The following ACOT11 variants were observed in gnomAD, a reference collection of about 807,000 sequenced individuals.
The protein encoded by ACOT11 is acyl-coenzyme A thioesterase 11.
A neutral mutation model predicts 77.5 loss-of-function variants in ACOT11; 69 were observed. The observed-to-expected ratio is 0.89, with a 90% confidence interval of 0.73 to 1.09. The LOEUF (loss-of-function observed/expected upper bound fraction) is 1.09, where lower values mean the gene tolerates loss of function less well. Ranked by LOEUF, ACOT11 falls within the 50% of genes least tolerant of loss-of-function variation. The pLI is 0.00. For missense variants in ACOT11, 766 were observed against 813.7 expected (o/e 0.94, Z 0.71); for synonymous variants, 279 against 313.0 (o/e 0.89, Z 1.15).
intron 1 of ACOT11, among the ~76,000 whole-genome samples, chr1:54,562,609 A>G (rs1402325246): frequency 6.9e-6 from 1 of 145,532 alleles, no homozygotes; most frequent in Non-Finnish European, 1.5e-5. Context: ...CACTTCTCAG[A>G]TGGGGCAGCT....
intron 3 of ACOT11, among the ~76,000 whole-genome samples, chr1:54,592,167 G>A (rs1654733607): frequency 6.6e-6 from 1 of 152,182 alleles, no homozygotes; most frequent in Admixed American, 6.5e-5. Flanking sequence ...AGTGCCGCAG[G>A]GTGAGCCTCT....
At chr1:54,563,109 C>T (rs1331368291) in intron 1 of ACOT11, among the ~76,000 whole-genome samples, 2 of 152,176 alleles carry the variant, frequency 1.3e-5, no homozygotes, top group African/African-American at 4.8e-5. Context: ...CCAGCCGCTG[C>T]CTCCCGGGCG....
rs767509985 is a variant in ACOT11, at chr1:54,604,368, TCTC to T, written c.1181_1183del (p.Ser394del). On this transcript the variant is annotated inframe_deletion, in exon 12 of 16. Transcript: ENST00000343744. ...CAGGTGTACCTGAGCTACAATAACGTCTCCTCCTTGAAGATGCTTGTGGCCAAG... is the reference window on the plus strand; with the variant it reads ...CAGGTGTACCTGAGCTACAATAACGTCTCCTTGAAGATGCTTGTGGCCAAG... The T allele has an allele frequency of 6.2e-6, 10 of 1,613,800 alleles. No individual in the cohort carries two copies. The highest frequency in any genetic ancestry group is 1.7e-4 in the Middle Eastern group (1 of 6,056).
intron 1 of ACOT11, among the ~76,000 whole-genome samples, chr1:54,567,913 G>A (rs1328152897): frequency 6.6e-6 from 1 of 152,052 alleles, no homozygotes; most frequent in Non-Finnish European, 1.5e-5. Context: ...TTACAACGCA[G>A]GCCAGACCAC....
chr1:54,558,329 G>T (rs555081160), intron 1 of ACOT11, among the ~76,000 whole-genome samples: 3 of 152,228 alleles, frequency 2.0e-5, no homozygotes, highest in African/African-American at 7.2e-5. Flanking sequence ...TGTATGCCAT[G>T]CCTGCAGTAA....
chr1:54,623,544 C>T (rs1644251945), intron 15 of ACOT11: 1 of 665,062 alleles, frequency 1.5e-6, no homozygotes, highest in Non-Finnish European at 2.7e-6. Context: ...GTAATATCCC[C>T]TCTGGAGATA....
intron 1 of ACOT11, among the ~76,000 whole-genome samples, chr1:54,561,100 T>A (rs1449304016): frequency 1.7e-5 from 2 of 117,884 alleles, no homozygotes; most frequent in Admixed American, 1.6e-4. Flanking sequence ...TATTTTTTTT[T>A]ATTTTTTAAA....
chr1:54,601,411 G>T lies in ACOT11; in HGVS notation c.1027G>T (p.Gly343Cys). Residue 343 changes from glycine to cysteine, a missense_variant and splice_region_variant, in exon 9 of 16, where the codon GGC (glycine) becomes TGC (cysteine). Coordinates refer to ENST00000343744, the MANE Select transcript of ACOT11 (RefSeq NM_147161.4). ...QLLPWIRPQP[G>C]DGERRYREAS... ...GCTGCCCTGGATTCGGCCCCAGCCC[G>T]GCGTAAGTGGGACCAGCGCCCTGCC... The T allele has an allele frequency of 1.2e-6, 2 of 1,611,458 alleles. No homozygotes were observed. Among genetic ancestry groups the T allele is most frequent in the Non-Finnish European group, 8.5e-7 (1 of 1,179,728 alleles).
At chr1:54,559,683 C>G (rs1053856709) in intron 1 of ACOT11, among the ~76,000 whole-genome samples, 1 of 151,850 alleles carries the variant, frequency 6.6e-6, no homozygotes, top group African/African-American at 2.4e-5. Flanking sequence ...TGAAAGCAAA[C>G]TTTTCTGTTG....
chr1:54,597,649 C>A (rs1643904217), intron 7 of ACOT11: 1 of 572,554 alleles, frequency 1.7e-6, no homozygotes, highest in African/African-American at 1.9e-5. Flanking sequence ...ACTAGATCCT[C>A]CCCTTGATCT....
rs534711119 is a variant in ACOT11 at position 54,548,615 on chromosome 1, A to T, written c.33+273A>T. ...AGCAAGTGTCGGCCTCTGGAATTCT[A>T]TTCGGTGGGTGTATGTTTCTCCCTG... On this transcript the variant is annotated intron_variant, in intron 1 of 15. Transcript: ENST00000343744. 1.4e-5 allele frequency: 8 copies of T among 556,340 alleles called. No individual in the cohort carries two copies. The East Asian group carries it at 2.5e-4, about 17-fold the overall frequency. 34.5% of individuals were successfully genotyped at this position (556,340 alleles called of 1,614,324 possible).
At chr1:54,602,870 C>A in intron 10 of ACOT11, 146 bp downstream of exon 10, 1 of 900,966 alleles carries the variant, frequency 1.1e-6, no homozygotes, top group Non-Finnish European at 1.6e-6. Context: ...GGTCTTATTA[C>A]ACAGCGGTCT....
chr1:54,615,595 A>T (rs1644164596), intron 15 of ACOT11, among the ~76,000 whole-genome samples: 1 of 151,882 alleles, frequency 6.6e-6, no homozygotes, highest in Non-Finnish European at 1.5e-5. Flanking sequence ...GGATTGGTGG[A>T]TGCAGCAACT....
chr1:54,600,169 T>C (rs1015343479), intron 8 of ACOT11, among the ~76,000 whole-genome samples: 5 of 152,348 alleles, frequency 3.3e-5, no homozygotes, highest in Admixed American at 3.3e-4. Context: ...TTATTTGCAG[T>C]CTGACTTGCA....
intron 1 of ACOT11, among the ~76,000 whole-genome samples, chr1:54,577,361 T>A (rs547089535): frequency 6.6e-6 from 1 of 152,326 alleles, no homozygotes; most frequent in African/African-American, 2.4e-5. Flanking sequence ...TATAGATTTA[T>A]CCGCTAATAT....
intron 15 of ACOT11, among the ~76,000 whole-genome samples, chr1:54,624,372 G>A (rs1183332875): frequency 1.3e-5 from 2 of 152,000 alleles, no homozygotes; most frequent in Non-Finnish European, 2.9e-5. Context: ...GAGGGGTGGA[G>A]GGGCAGGGTG....
chr1:54,562,540 G>C (rs1275857028), intron 1 of ACOT11, among the ~76,000 whole-genome samples: 2 of 95,406 alleles, frequency 2.1e-5, no homozygotes, highest in African/African-American at 8.1e-5. Context: ...CCGGGCGGGG[G>C]GCTGACCCAC....
chr1:54,562,899 C>G (rs1164358123), intron 1 of ACOT11, among the ~76,000 whole-genome samples: 1 of 138,976 alleles, frequency 7.2e-6, no homozygotes, highest in Non-Finnish European at 1.6e-5. Flanking sequence ...GGCGGCCGGG[C>G]GGAGACGCTC....
intron 1 of ACOT11, among the ~76,000 whole-genome samples, chr1:54,577,529 A>G (rs1654157123): frequency 1.2e-5 from 1 of 80,300 alleles, no homozygotes. Flanking sequence ...ATACATATAT[A>G]TCTATATACA....
Sources: allele counts gnomAD v4.1 joint callset (sites outside exome capture counted in the v4.1 genomes callset), GRCh38; gene constraint gnomAD v4.1.1; transcripts MANE v1.5; gene names NCBI Gene and HGNC (gene_info 2026-07-23, HGNC 2026-07-21).